The following FAHD1 variants were observed in gnomAD, a reference collection of about 807,000 sequenced individuals.
FAHD1 encodes oxaloacetate tautomerase FAHD1, mitochondrial.
FAHD1 carries 14 observed loss-of-function variants against 12.7 expected under a neutral mutation model. The observed-to-expected ratio is 1.10, with a 90% CI of 0.73 to 1.72. FAHD1 has a LOEUF of 1.72. Ranked by LOEUF, FAHD1 falls within the 40% of genes most tolerant of loss-of-function variation. FAHD1 has a pLI of 0.00. For missense variants in FAHD1, 351 were observed against 298.9 expected (o/e 1.17, Z -1.29); for synonymous variants, 153 against 124.9 (o/e 1.22, Z -1.50).
At chr16:1,832,622 A>G (rs1898644518), downstream of FAHD1, among the ~76,000 whole-genome samples, 1 of 152,046 alleles carries the variant, frequency 6.6e-6, no homozygotes, top group South Asian at 2.1e-4. Context: ...CACTGTCTCT[A>G]CAAAATGTTT....
chr16:1,828,277 A>T (rs78825446), exon 1 of FAHD1: 14 of 884,782 alleles, frequency 1.6e-5, no homozygotes, highest in Non-Finnish European at 1.9e-5. Flanking sequence ...TCCGTCTCAA[A>T]AAAAAAAAAA....
chr16:1,836,797 T>C (rs1898759901), intron 1 of FAHD1, among the ~76,000 whole-genome samples: 1 of 152,242 alleles, frequency 6.6e-6, no homozygotes, highest in Non-Finnish European at 1.5e-5. Flanking sequence ...CAATGTTTTC[T>C]AGAGGCTCCA....
rs961171649 is a variant in FAHD1 at position 1,827,435 on chromosome 16, A to T, written c.197A>T (p.His66Leu). The T allele has an allele frequency of 4.3e-6, 7 of 1,610,218 alleles. No individual in the cohort carries two copies. The African/African-American group carries it at 6.7e-5, about 15-fold the overall frequency. The change falls in exon 1 of 1, where the codon CAC (histidine) becomes CTC (leucine). Residue 66 changes from histidine (H) to leucine (L), a missense_variant. Coordinates refer to ENST00000427358, the Ensembl canonical transcript of FAHD1. ...ATGCCCGCGTACACTCGCAACCTGCACCACGAGCTGGAGCTGGGCGTGGTG... is the reference window on the plus strand; with the variant it reads ...ATGCCCGCGTACACTCGCAACCTGCTCCACGAGCTGGAGCTGGGCGTGGTG...
chr16:1,840,174 C>T (rs1020747570), exon 3 of FAHD1: 4 of 152,032 alleles, frequency 2.6e-5, no homozygotes, highest in Non-Finnish European at 5.9e-5. Context: ...GATGCTTTTC[C>T]TCAGATATCA....
chr16:1,829,036 A>G, downstream of FAHD1: 1 of 501,150 alleles, frequency 2.0e-6, no homozygotes, highest in Non-Finnish European at 2.6e-6. Context: ...TAACACAGTT[A>G]ATCAGCAACT....
intron 1 of FAHD1, among the ~76,000 whole-genome samples, chr16:1,837,020 G>C (rs1373825283): frequency 2.0e-5 from 3 of 152,128 alleles, no homozygotes; most frequent in Non-Finnish European, 2.9e-5. Context: ...CCCAGTGCAA[G>C]TGGCAACACT....
At chr16:1,834,146 C>T in intron 1 of FAHD1, 2 of 643,046 alleles carry the variant, frequency 3.1e-6, no homozygotes, top group Non-Finnish European at 5.5e-6. Flanking sequence ...GAAACATGTT[C>T]ACCACATGTA....
exon 1 of FAHD1, chr16:1,827,387 C>T: frequency 1.9e-6 from 3 of 1,612,044 alleles, no homozygotes; most frequent in Non-Finnish European, 2.5e-6. Flanking sequence ...ACGGCCTACG[C>T]GCCCGAGGGC....
chr16:1,828,274 CAAAA>C (rs71145497), exon 1 of FAHD1: 215 of 800,226 alleles, frequency 2.7e-4, no homozygotes, highest in South Asian at 3.6e-4. Context: ...GACTCCGTCT[CAAAA>C]AAAAAAAAAA....
exon 1 of FAHD1, chr16:1,828,520 C>G (rs1065584): frequency 0.16 from 161,639 of 999,058 alleles, 13,632 homozygotes; most frequent in South Asian, 0.28. Context: ...ATCAGTAGTT[C>G]AGCACTTAAA....
At chr16:1,831,816 T>C (rs1193626143), downstream of FAHD1, among the ~76,000 whole-genome samples, 2 of 152,154 alleles carry the variant, frequency 1.3e-5, no homozygotes, top group Non-Finnish European at 2.9e-5. Context: ...AAACTGCACA[T>C]GCGAGGGATC....
chr16:1,828,650 C>A, exon 1 of FAHD1: 1 of 956,120 alleles, frequency 1.0e-6, no homozygotes, highest in Non-Finnish European at 1.3e-6. Context: ...AAATTACTGG[C>A]CCATCTCGGA....
At chr16:1,839,211 C>T in intron 2 of FAHD1, 1 of 1,495,446 alleles carries the variant, frequency 6.7e-7, no homozygotes, top group Non-Finnish European at 8.9e-7. Context: ...AAAAAGCATT[C>T]ACTTTGGAAA....
At chr16:1,827,675 G>C (rs759113509) in exon 1 of FAHD1, 6 of 1,613,998 alleles carry the variant, frequency 3.7e-6, no homozygotes, top group South Asian at 3.3e-5. Flanking sequence ...CTGAAGCTCT[G>C]GCTCAAGGTC....
intron 1 of FAHD1, chr16:1,834,175 C>A: frequency 1.3e-6 from 1 of 743,546 alleles, no homozygotes; most frequent in East Asian, 2.7e-5. Flanking sequence ...GCAATTTTCC[C>A]CATAATTTTC....
chr16:1,836,250 G>GA (rs1567271305), intron 1 of FAHD1, among the ~76,000 whole-genome samples: 1 of 152,132 alleles, frequency 6.6e-6, no homozygotes, highest in Non-Finnish European at 1.5e-5. Flanking sequence ...CCTAATGCAC[G>GA]AAGCAGCTTG....
At chr16:1,830,944 A>ACACACACACACACAC (rs57025691), downstream of FAHD1, among the ~76,000 whole-genome samples, 2 of 147,202 alleles carry the variant, frequency 1.4e-5, no homozygotes, top group Admixed American at 6.8e-5. Context: ...ACACACACAC[A>ACACACACACACACAC]CCCATATTTT....
intron 1 of FAHD1, chr16:1,834,361 A>C (rs1219655674): frequency 6.4e-7 from 1 of 1,570,778 alleles, no homozygotes; most frequent in Admixed American, 1.7e-5. Flanking sequence ...TGTGTGATAG[A>C]ACGAACTGCG....
At chr16:1,835,239 G>A (rs1039164656) in intron 1 of FAHD1, among the ~76,000 whole-genome samples, 10 of 151,498 alleles carry the variant, frequency 6.6e-5, no homozygotes, top group Non-Finnish European at 1.3e-4. Flanking sequence ...GTGTGACAGA[G>A]CGAGCAGAGT....
Sources: allele counts gnomAD v4.1 joint callset (sites outside exome capture counted in the v4.1 genomes callset), GRCh38; gene constraint gnomAD v4.1.1; transcripts MANE v1.5; gene names NCBI Gene and HGNC (gene_info 2026-07-23, HGNC 2026-07-21).